RPRD1A: variants seen among roughly 807,000 people sequenced by gnomAD.
RPRD1A encodes regulation of nuclear pre-mRNA domain containing 1A, also known as regulation of nuclear pre-mRNA domain-containing protein 1A.
Under a neutral mutation model 37.8 loss-of-function variants are expected in RPRD1A, and 9 were observed. That is an observed-to-expected ratio of 0.24 (90% CI 0.14 to 0.42). RPRD1A has a LOEUF of 0.42. RPRD1A is among the 10% of genes least tolerant of loss of function. The probability of loss-of-function intolerance (pLI) is 1.00; values close to 1 mark genes in which losing one functional copy is unlikely to be tolerated. For synonymous variants in RPRD1A, 138 were observed against 139.7 expected, an observed-to-expected ratio of 0.99 and a Z score of 0.08; for missense variants, 255 against 371.0, an observed-to-expected ratio of 0.69 and a Z score of 2.57.
chr18:36,034,766 A>T (rs145999645), intron 1 of RPRD1A, among the ~76,000 whole-genome samples: 112 of 152,328 alleles, frequency 7.4e-4, no homozygotes, highest in African/African-American at 2.5e-3. Flanking sequence ...TGGATTTAAG[A>T]CAAAAATCTT....
At chr18:36,040,629 A>C (rs556801419) in intron 1 of RPRD1A, among the ~76,000 whole-genome samples, 150 of 152,320 alleles carry the variant, frequency 9.8e-4, no homozygotes, top group African/African-American at 3.5e-3. Flanking sequence ...AACACTAAGA[A>C]TACTGCAATA....
At chr18:35,999,734 G>A (rs1044156300) in intron 6 of RPRD1A, among the ~76,000 whole-genome samples, 1 of 152,052 alleles carries the variant, frequency 6.6e-6, no homozygotes, top group African/African-American at 2.4e-5. Context: ...CATACTTACT[G>A]TATTGCAGAC....
chr18:36,055,352 A>C (rs948814581), intron 1 of RPRD1A, among the ~76,000 whole-genome samples: 4 of 152,224 alleles, frequency 2.6e-5, no homozygotes, highest in African/African-American at 9.6e-5. Context: ...AAACTAATTG[A>C]TGTTTTCAGT....
At chr18:36,064,416 G>C (rs1047785705) in intron 1 of RPRD1A, 13 of 152,458 alleles carry the variant, frequency 8.5e-5, no homozygotes, top group African/African-American at 2.9e-4. Flanking sequence ...TCTGGGTCAG[G>C]TGGGGACTTG....
chr18:36,039,891 A>AAC (rs33989258), intron 1 of RPRD1A, among the ~76,000 whole-genome samples: 39,533 of 151,722 alleles, frequency 0.26, 5,398 homozygotes, highest in African/African-American at 0.35. Context: ...CACACACACA[A>AAC]ACAGAAATAT....
chr18:36,004,583 A>G (rs1909624212), intron 6 of RPRD1A, among the ~76,000 whole-genome samples: 1 of 152,140 alleles, frequency 6.6e-6, no homozygotes, highest in African/African-American at 2.4e-5. Flanking sequence ...CCACTGCTCC[A>G]TTTGTTATGT....
intron 2 of RPRD1A, among the ~76,000 whole-genome samples, chr18:36,032,635 A>C (rs1013967582): frequency 2.6e-5 from 4 of 152,260 alleles, no homozygotes; most frequent in Non-Finnish European, 5.9e-5. Context: ...ACATTATGGT[A>C]ACTAAAAGGG....
chr18:36,009,662 T>C (rs920466042), intron 6 of RPRD1A, among the ~76,000 whole-genome samples: 3 of 152,176 alleles, frequency 2.0e-5, no homozygotes, highest in African/African-American at 7.2e-5. Flanking sequence ...TCAATACTTA[T>C]CTTTTTGGCA....
Position 36,018,773 on chromosome 18 carries a change from GAAAAAC to G in RPRD1A, c.789+8121_789+8126del, listed in dbSNP as rs373261243. Among the ~76,000 whole-genome samples the G allele has an allele frequency of 7.1e-3, 1,073 of 152,068 alleles. 13 individuals are homozygous for G. Among genetic ancestry groups the G allele is most frequent in the African/African-American group, 0.025 (1,026 of 41,510 alleles). On this transcript the variant is annotated intron_variant, in intron 6 of 6. Transcript: ENST00000399022. ...AAGTATTAATAGAAAGAATATGGAA[GAAAAAC>G]AAAAACCAAAATGACAATGTAATAC...
At chr18:36,007,069 G>A (rs531635209) in intron 6 of RPRD1A, among the ~76,000 whole-genome samples, 300 of 151,624 alleles carry the variant, frequency 2.0e-3, no homozygotes, top group African/African-American at 7.1e-3. Context: ...TTGTTCCCTT[G>A]CCACCCTGTG....
intron 6 of RPRD1A, among the ~76,000 whole-genome samples, chr18:35,997,443 A>C (rs1909141571): frequency 6.6e-6 from 1 of 152,170 alleles, no homozygotes; most frequent in Non-Finnish European, 1.5e-5. Context: ...CCTTTCACAC[A>C]TGTGTATATA....
chr18:36,059,571 T>C (rs568533072), intron 1 of RPRD1A, among the ~76,000 whole-genome samples: 1 of 152,190 alleles, frequency 6.6e-6, no homozygotes, highest in Admixed American at 6.5e-5. Context: ...ATAACCCACA[T>C]AAACAAAAGA....
chr18:36,033,299 C>CCAAAAAAAAAAAAAA lies in RPRD1A; in HGVS notation c.281+408_281+409insTTTTTTTTTTTTTTG, dbSNP rs1348356259. On this transcript the variant is annotated intron_variant, in intron 2 of 6. Transcript: ENST00000399022. ...CCTGGGTGAGAGTGAGACTCTGTCT[C>CCAAAAAAAAAAAAAA]AAAAAAAAAAAAAAAAAAAAAAAAA... is the stretch of plus-strand genomic sequence containing the variant. 5.4e-4 allele frequency among the ~76,000 whole-genome samples: 41 copies of CCAAAAAAAAAAAAAA among 75,926 alleles called. 4 individuals are homozygous for CCAAAAAAAAAAAAAA. The highest frequency in any genetic ancestry group is 2.3e-3 in the African/African-American group (39 of 17,186). The allele number at this position is 75,926 out of a possible 152,430, so 49.8% of individuals were successfully genotyped here.
chr18:35,993,234 G>A lies in RPRD1A; in HGVS notation c.856C>T (p.Leu286=). The change falls in exon 7 of 7, where the codon CTG becomes TTG. Residue 286 remains leucine, a synonymous_variant. Coordinates refer to ENST00000399022, the MANE Select transcript of RPRD1A (RefSeq NM_018170.5). The part of the protein sequence containing the change: ...RKELRSRIQS[L]PDLSRLPNVT... ...TTGGGCAATCGAGATAAGTCTGGCA[G>A]GCTCTGGATCCGGGACCTGAGTTCT... is the stretch of plus-strand genomic sequence containing the variant. The A allele has an allele frequency of 6.2e-7, 1 of 1,614,212 alleles. No individual in the cohort carries two copies. Among genetic ancestry groups the A allele is most frequent in the African/African-American group, 1.3e-5 (1 of 75,066 alleles).
chr18:36,037,317 TAGTA>T (rs1434257488), intron 1 of RPRD1A, among the ~76,000 whole-genome samples: 4 of 152,138 alleles, frequency 2.6e-5, no homozygotes, highest in African/African-American at 4.8e-5. Flanking sequence ...TTTCTCATGT[TAGTA>T]AGTGAGTTCT....
chr18:36,018,337 A>C (rs531976698), intron 6 of RPRD1A, among the ~76,000 whole-genome samples: 1 of 150,840 alleles, frequency 6.6e-6, no homozygotes, highest in Non-Finnish European at 1.5e-5. Context: ...GCAGTGGCGC[A>C]ATCTCGGCTC....
chr18:36,065,142 C>T (rs568624827), intron 1 of RPRD1A, among the ~76,000 whole-genome samples: 20 of 152,334 alleles, frequency 1.3e-4, no homozygotes, highest in Middle Eastern at 3.4e-3. Context: ...TTCTTGAAGT[C>T]AGCGAGACCA....
At chr18:36,017,215 A>C (rs546145433) in intron 6 of RPRD1A, among the ~76,000 whole-genome samples, 152 of 152,132 alleles carry the variant, frequency 1.0e-3, no homozygotes, top group African/African-American at 3.6e-3. Context: ...GAGGCTGATC[A>C]CCTGAGCCCT....
At chr18:36,013,360 A>G (rs1016734219) in intron 6 of RPRD1A, among the ~76,000 whole-genome samples, 1 of 152,224 alleles carries the variant, frequency 6.6e-6, no homozygotes, top group African/African-American at 2.4e-5. Flanking sequence ...GAGGCAAAAC[A>G]AAAGATGAGC....
Sources: allele counts gnomAD v4.1 joint callset (sites outside exome capture counted in the v4.1 genomes callset), GRCh38; gene constraint gnomAD v4.1.1; transcripts MANE v1.5; gene names NCBI Gene and HGNC (gene_info 2026-07-23, HGNC 2026-07-21).